The following LRRC7 variants were observed in gnomAD, a reference collection of about 807,000 sequenced individuals.
LRRC7 encodes leucine-rich repeat-containing protein 7.
Under a neutral mutation model 175.7 loss-of-function variants are expected in LRRC7, and 23 were observed. The observed-to-expected ratio is 0.13, with a 90% CI of 0.09 to 0.19. The LOEUF (loss-of-function observed/expected upper bound fraction) is 0.19, where lower values mean the gene tolerates loss of function less well. Ranked by LOEUF, LRRC7 falls within the 10% of genes least tolerant of loss-of-function variation. LRRC7 has a pLI of 1.00. For synonymous variants in LRRC7, 685 were observed against 680.9 expected, an observed-to-expected ratio of 1.01 and a Z score of -0.09; for missense variants, 1,354 against 1,904.7, an observed-to-expected ratio of 0.71 and a Z score of 5.38.
intron 8 of LRRC7, among the ~76,000 whole-genome samples, chr1:69,933,466 A>G (rs1330905347): frequency 6.6e-6 from 1 of 152,196 alleles, no homozygotes; most frequent in Non-Finnish European, 1.5e-5. Context: ...TTAAAGACCT[A>G]AGATCTGCCC....
intron 3 of LRRC7, among the ~76,000 whole-genome samples, chr1:69,776,701 T>C (rs1429225243): frequency 6.6e-6 from 1 of 151,774 alleles, no homozygotes; most frequent in African/African-American, 2.4e-5. Flanking sequence ...GATTTTTCAT[T>C]TTGGGGTGTG....
chr1:70,056,985 A>C (rs1661202893), intron 23 of LRRC7, among the ~76,000 whole-genome samples: 1 of 151,752 alleles, frequency 6.6e-6, no homozygotes, highest in Non-Finnish European at 1.5e-5. Flanking sequence ...CAGCAAAAGC[A>C]ATTTGCTTAA....
At chr1:70,020,786 G>A (rs1657404640) in intron 15 of LRRC7, 6 of 285,532 alleles carry the variant, frequency 2.1e-5, no homozygotes, top group Non-Finnish European at 3.2e-5. Context: ...AGTATTTTAG[G>A]AATACTGAAT....
chr1:70,117,076 C>T (rs957449017), intron 26 of LRRC7, among the ~76,000 whole-genome samples: 16 of 152,156 alleles, frequency 1.1e-4, no homozygotes, highest in Admixed American at 9.8e-4. Context: ...TTTATGTGTA[C>T]TGGTCCTTTA....
chr1:69,608,850 CTCTCTCTCTCTCTCTCTATA>C (rs71071368), intron 1 of LRRC7, among the ~76,000 whole-genome samples: 1,911 of 48,062 alleles, frequency 0.04, 4 homozygotes, highest in Non-Finnish European at 0.049. Context: ...CTCTCTCTCT[CTCTCTCTCTCTCTCTCTATA>C]TATATATATA....
rs12405952 is a variant in LRRC7, at chr1:70,136,809, A to C, written c.*14922A>C. 0.18 allele frequency among the ~76,000 whole-genome samples: 24,979 copies of C among 140,574 alleles called. 2,607 individuals carry two copies. Among genetic ancestry groups the C allele is most frequent in the Admixed American group, 0.23 (2,980 of 13,116 alleles). The allele number at this position is 140,574 out of a possible 152,430, so 92.2% of individuals were successfully genotyped here. A position where few individuals can be genotyped will look rare whatever the true frequency, so the allele number is the denominator to read the frequency against. Reference sequence around the variant, plus strand: ...CAGTGGCATGATCATGGCCCACTGCAGCCTTGACCACCTGGGCTCAAGTGA... The same window carrying C: ...CAGTGGCATGATCATGGCCCACTGCCGCCTTGACCACCTGGGCTCAAGTGA... On this transcript the variant is annotated 3_prime_UTR_variant, in exon 27 of 27. Coordinates refer to ENST00000651989, the MANE Select transcript of LRRC7 (RefSeq NM_001370785.2).
Position 69,765,827 on chromosome 1 carries a change from C to T in LRRC7, c.303+5434C>T, listed in dbSNP as rs188482040. ...CTATTTTTCAGACATTCTATCTAGA[C>T]TCCTAACCATCATAGTTACTTTCTT... On this transcript the variant is annotated intron_variant, in intron 3 of 26. Coordinates refer to ENST00000651989, the MANE Select transcript of LRRC7 (RefSeq NM_001370785.2). Among the ~76,000 whole-genome samples, 6 of 152,180 alleles carry T rather than the reference C, an allele frequency of 3.9e-5. No homozygotes were observed. In the East Asian group the frequency reaches 7.7e-4, roughly 20 times the overall value.
chr1:70,038,945 C>T lies in LRRC7; in HGVS notation c.3121C>T (p.Leu1041=). 2 of 1,613,974 alleles carry T rather than the reference C, an allele frequency of 1.2e-6. No homozygotes were observed. Among genetic ancestry groups the T allele is most frequent in the Non-Finnish European group, 1.7e-6 (2 of 1,179,996 alleles). ...SMSRSQSVPM[L]DDEMLTYGSS... is the part of the protein sequence containing the mutation. The stretch of plus-strand genomic sequence containing the variant: ...GTCTCGAAGCCAGTCAGTCCCAATG[C>T]TGGATGATGAGATGCTCACCTACGG... Residue 1041 remains leucine, a synonymous_variant, in exon 21 of 27, where the codon CTG becomes TTG. Transcript: ENST00000651989.
rs1443850172 is a variant in LRRC7, at chr1:70,018,802, G to A, written c.1404G>A (p.Gln468=). 1 of 1,611,852 alleles carries A rather than the reference G, an allele frequency of 6.2e-7. No homozygotes were observed. The highest frequency in any genetic ancestry group is 1.7e-5 in the Admixed American group (1 of 59,970). ...RVLTNYMFPQ[Q]PRGDEDFQSD... Reference sequence around the variant, plus strand: ...TGACTAACTACATGTTTCCCCAGCAGCCTCGTGGTGATGAAGGTAAATTGT... The same window carrying A: ...TGACTAACTACATGTTTCCCCAGCAACCTCGTGGTGATGAAGGTAAATTGT... The change falls in exon 15 of 27, where the codon CAG becomes CAA. Residue 468 remains glutamine (Q), a synonymous_variant. Transcript: ENST00000651989.
chr1:69,688,738 T>C (rs1041066467), intron 2 of LRRC7, among the ~76,000 whole-genome samples: 7 of 152,198 alleles, frequency 4.6e-5, no homozygotes, highest in African/African-American at 1.4e-4. Flanking sequence ...TGATCATTAC[T>C]GTACACCAGG....
rs754324008 is a variant in LRRC7, at chr1:70,044,073, T to A, written c.4089T>A (p.His1363Gln). Residue 1363 changes from histidine (H) to glutamine (Q), a missense_variant, in exon 22 of 27, where the codon CAT (histidine) becomes CAA (glutamine). His to Gln is a conservative substitution (Grantham distance 24). This residue lies in a region of LRRC7 where 1,032 missense variants were observed against 1,227.2 expected (regional missense o/e 0.84). Transcript: ENST00000651989. ...LNLQTKSKFD[H>Q]QELPLQKTPS... is the part of the protein sequence containing the mutation. The stretch of plus-strand genomic sequence containing the variant: ...TGCAGACTAAGTCTAAATTTGATCA[T>A]CAAGAACTACCTCTTCAGAAAGTAA... The A allele has an allele frequency of 6.2e-7, 1 of 1,613,180 alleles. No homozygotes were observed. The highest frequency in any genetic ancestry group is 2.2e-5 in the East Asian group (1 of 44,814).
At chr1:69,947,804 A>T (rs1271307129) in intron 8 of LRRC7, among the ~76,000 whole-genome samples, 3 of 152,128 alleles carry the variant, frequency 2.0e-5, no homozygotes, top group East Asian at 3.8e-4. Context: ...CATACCTATG[A>T]TAAAGTTTAA....
intron 18 of LRRC7, among the ~76,000 whole-genome samples, chr1:70,032,925 A>G (rs373525436): frequency 1.2e-3 from 189 of 152,296 alleles, no homozygotes; most frequent in African/African-American, 4.3e-3. Flanking sequence ...TGTACTTACA[A>G]TGGAATCCCC....
intron 7 of LRRC7, among the ~76,000 whole-genome samples, chr1:69,928,159 C>G (rs184044642): frequency 6.6e-6 from 1 of 152,242 alleles, no homozygotes. Context: ...GATCGTTCCT[C>G]TGGAAGTTTT....
At chr1:69,926,020 C>G (rs565515421) in intron 7 of LRRC7, among the ~76,000 whole-genome samples, 9 of 151,958 alleles carry the variant, frequency 5.9e-5, no homozygotes, top group African/African-American at 2.2e-4. Flanking sequence ...TCGTTAGTTT[C>G]AAAGAACATC....
chr1:69,909,103 T>G (rs1173752840), intron 7 of LRRC7, among the ~76,000 whole-genome samples: 1 of 151,958 alleles, frequency 6.6e-6, no homozygotes, highest in African/African-American at 2.4e-5. Flanking sequence ...CCCTGCCTTT[T>G]TTTGTTTCCA....
chr1:69,576,173 A>T (rs1428128517), intron 1 of LRRC7, among the ~76,000 whole-genome samples: 2 of 151,012 alleles, frequency 1.3e-5, no homozygotes, highest in Non-Finnish European at 2.9e-5. Context: ...CAGAGGTTGC[A>T]GTGAGTTGAG....
intron 11 of LRRC7, among the ~76,000 whole-genome samples, chr1:70,008,316 T>A (rs914190799): frequency 1.5e-4 from 23 of 152,218 alleles, no homozygotes; most frequent in African/African-American, 5.1e-4. Context: ...GACTCAAATG[T>A]TAATCTCTTT....
chr1:70,084,027 C>G (rs1663418686), intron 24 of LRRC7, among the ~76,000 whole-genome samples: 2 of 152,158 alleles, frequency 1.3e-5, no homozygotes, highest in Non-Finnish European at 2.9e-5. Flanking sequence ...TTAAAATGCT[C>G]TAGTGGCTTT....
Sources: allele counts gnomAD v4.1 joint callset (sites outside exome capture counted in the v4.1 genomes callset), GRCh38; gene constraint gnomAD v4.1.1; regional missense constraint gnomAD v4.1.1; transcripts MANE v1.5; gene names NCBI Gene and HGNC (gene_info 2026-07-23, HGNC 2026-07-21).